CFAP20DC: variants seen among roughly 807,000 people sequenced by gnomAD.
CFAP20DC encodes CFAP20 domain containing, also known as protein CFAP20DC.
In CFAP20DC, 84 loss-of-function variants were observed where a neutral mutation model predicts 101.7. The observed-to-expected ratio is 0.83, with a 90% confidence interval of 0.69 to 0.99. The LOEUF (loss-of-function observed/expected upper bound fraction) is 0.99, where lower values mean the gene tolerates loss of function less well. Among genes scored for constraint, CFAP20DC ranks in the 50% least tolerant of loss-of-function variants. The pLI is 0.00. For synonymous variants in CFAP20DC, 359 were observed against 351.2 expected, an observed-to-expected ratio of 1.02 and a Z score of -0.25; for missense variants, 1,007 against 970.3, an observed-to-expected ratio of 1.04 and a Z score of -0.50.
chr3:58,888,346 C>G (rs1026653119), intron 6 of CFAP20DC, among the ~76,000 whole-genome samples: 6 of 152,136 alleles, frequency 3.9e-5, no homozygotes, highest in Non-Finnish European at 7.3e-5. Context: ...GTCCTTGCCT[C>G]CTTGAAGCTT....
chr3:58,762,377 T>G (rs916107589), intron 15 of CFAP20DC, among the ~76,000 whole-genome samples: 1 of 152,200 alleles, frequency 6.6e-6, no homozygotes, highest in African/African-American at 2.4e-5. Flanking sequence ...TTTTTTTGTT[T>G]TCCATTTGCT....
chr3:58,854,049 C>T (rs1022842408), intron 12 of CFAP20DC, among the ~76,000 whole-genome samples: 2 of 152,118 alleles, frequency 1.3e-5, no homozygotes, highest in African/African-American at 4.8e-5. Flanking sequence ...CAAATTGTCC[C>T]TGTTTGCAGA....
intron 15 of CFAP20DC, among the ~76,000 whole-genome samples, chr3:58,787,034 G>A (rs1174437150): frequency 6.6e-6 from 1 of 151,776 alleles, no homozygotes; most frequent in Non-Finnish European, 1.5e-5. Context: ...ATAAGGGGGG[G>A]CATTACTGTA....
intron 4 of CFAP20DC, among the ~76,000 whole-genome samples, chr3:59,009,075 C>G (rs2093516141): frequency 6.6e-6 from 1 of 152,040 alleles, no homozygotes; most frequent in African/African-American, 2.4e-5. Flanking sequence ...CATACAAAGT[C>G]TTCACTCCTA....
At chr3:58,998,704 A>G (rs2093215127) in intron 4 of CFAP20DC, among the ~76,000 whole-genome samples, 1 of 152,172 alleles carries the variant, frequency 6.6e-6, no homozygotes, top group South Asian at 2.1e-4. Flanking sequence ...ATGACTCAAC[A>G]GAAACTCTCA....
chr3:58,787,465 T>C (rs1043230868), intron 15 of CFAP20DC, among the ~76,000 whole-genome samples: 23 of 152,020 alleles, frequency 1.5e-4, no homozygotes, highest in African/African-American at 5.5e-4. Flanking sequence ...AATGTGCACA[T>C]GTACCCTAAA....
At chr3:59,016,765 G>A (rs896373373) in intron 4 of CFAP20DC, among the ~76,000 whole-genome samples, 7 of 152,044 alleles carry the variant, frequency 4.6e-5, no homozygotes, top group African/African-American at 1.4e-4. Flanking sequence ...CTGAGAATCT[G>A]GAGTTCTAAC....
chr3:58,975,014 G>A (rs1182042387), intron 4 of CFAP20DC, among the ~76,000 whole-genome samples: 1 of 152,142 alleles, frequency 6.6e-6, no homozygotes, highest in East Asian at 1.9e-4. Flanking sequence ...GAGGTTAGTA[G>A]GAGTTCGGCA....
Position 58,753,853 on chromosome 3 carries a change from T to C in CFAP20DC, c.2248A>G (p.Asn750Asp), listed in dbSNP as rs768382230. The change falls in exon 16 of 17, where the codon AAT becomes GAT. Residue 750 changes from asparagine (N) to aspartate (D), a missense_variant. Coordinates refer to ENST00000482387, the MANE Select transcript of CFAP20DC (RefSeq NM_001394063.1). Reference sequence around the variant, plus strand: ...GGAACGATTGGTGGGCTCAACATATTTAACCAGTCCCTAAAAAGAAAACAA... The same window carrying C: ...GGAACGATTGGTGGGCTCAACATATCTAACCAGTCCCTAAAAAGAAAACAA... ...PSPSNPRDWL[N>D]MLSPPIVPPS... The C allele has an allele frequency of 1.9e-6, 3 of 1,608,962 alleles. No homozygotes were observed. Among genetic ancestry groups the C allele is most frequent in the Non-Finnish European group, 2.5e-6 (3 of 1,176,972 alleles).
chr3:58,834,380 A>G (rs2076598422), intron 13 of CFAP20DC, among the ~76,000 whole-genome samples: 2 of 152,208 alleles, frequency 1.3e-5, no homozygotes, highest in Admixed American at 1.3e-4. Context: ...ATCATTGCCA[A>G]TACACACTTT....
In CFAP20DC at chr3:59,006,538, G is replaced by A. The variant is rs1315204545; in HGVS notation, c.278+33019C>T. ...GCCTCTGAACACACATCCCCACTGG[G>A]GAATCTGAAAATCCAGATCACGGGA... On this transcript the variant is annotated intron_variant, in intron 4 of 16. Transcript: ENST00000482387. This position sits in a 1 kb window ranked among gnomAD's most constrained non-coding sequence, Gnocchi z 4.3. 1.3e-5 allele frequency among the ~76,000 whole-genome samples: 2 copies of A among 152,194 alleles called. No homozygotes were observed. The highest frequency in any genetic ancestry group is 2.4e-5 in the African/African-American group (1 of 41,446).
At chr3:58,877,006 G>A (rs532578681) in intron 7 of CFAP20DC, among the ~76,000 whole-genome samples, 15 of 152,240 alleles carry the variant, frequency 9.9e-5, no homozygotes, top group African/African-American at 2.2e-4. Context: ...TGGGATAATC[G>A]TAGTACTGAA....
intron 4 of CFAP20DC, among the ~76,000 whole-genome samples, chr3:58,950,711 T>C (rs887960209): frequency 2.0e-5 from 3 of 152,210 alleles, no homozygotes; most frequent in East Asian, 1.9e-4. Context: ...TAGCCATATG[T>C]AGAAAGCTGA....
chr3:58,763,681 G>T (rs1336078062), intron 15 of CFAP20DC, among the ~76,000 whole-genome samples: 1 of 152,080 alleles, frequency 6.6e-6, no homozygotes, highest in East Asian at 1.9e-4. Context: ...ATCTACCTTT[G>T]GTCTTTGATG....
chr3:58,822,001 T>C (rs1014469850), intron 14 of CFAP20DC, among the ~76,000 whole-genome samples: 12 of 144,014 alleles, frequency 8.3e-5, no homozygotes, highest in African/African-American at 3.0e-4. Flanking sequence ...TGTAGGGACA[T>C]GGATGAAATT....
At chr3:59,019,109 G>T (rs1248699907) in intron 4 of CFAP20DC, 1 of 152,056 alleles carries the variant, frequency 6.6e-6, no homozygotes, top group African/African-American at 2.4e-5. Context: ...ATTAACTTTA[G>T]ATTGCATGAC....
intron 15 of CFAP20DC, among the ~76,000 whole-genome samples, chr3:58,767,779 T>G (rs535270839): frequency 6.6e-6 from 1 of 152,344 alleles, no homozygotes; most frequent in Admixed American, 6.5e-5. Context: ...ACCAGATTCT[T>G]AATATTGAAG....
Position 58,975,173 on chromosome 3 carries a change from T to A in CFAP20DC, c.279-37411A>T, listed in dbSNP as rs192110835. Among the ~76,000 whole-genome samples the A allele has an allele frequency of 4.6e-5, 7 of 152,316 alleles. No individual in the cohort carries two copies. The South Asian group carries it at 1.2e-3, about 27-fold the overall frequency. On this transcript the variant is annotated intron_variant, in intron 4 of 16. Coordinates refer to ENST00000482387, the MANE Select transcript of CFAP20DC (RefSeq NM_001394063.1). Reference sequence around the variant, plus strand: ...GCGGGTACACTATGCTTTCTACTCTTCACATGACTAGTTCTTCATTCTTCT... The same window carrying A: ...GCGGGTACACTATGCTTTCTACTCTACACATGACTAGTTCTTCATTCTTCT...
intron 5 of CFAP20DC, among the ~76,000 whole-genome samples, chr3:58,929,981 G>C (rs1034292375): frequency 6.6e-6 from 1 of 151,874 alleles, no homozygotes; most frequent in African/African-American, 2.4e-5. Context: ...CCTTAATGCT[G>C]CTTGTTCTCT....
Sources: gnomAD v4.1 joint callset for allele counts (sites outside exome capture counted in the v4.1 genomes callset) on GRCh38, gnomAD v4.1.1 for gene constraint, Gnocchi (gnomAD v3.1) non-coding constraint, MANE v1.5 for transcripts, NCBI Gene and HGNC (gene_info 2026-07-23, HGNC 2026-07-21) for gene names.